Variants in NGEF observed in about 807,000 individuals in gnomAD.
The protein encoded by NGEF is ephexin-1.
In NGEF, 31 loss-of-function variants were observed where a neutral mutation model predicts 80.9. The ratio of observed to expected loss-of-function variants is 0.38; its 90% CI spans 0.29 to 0.52. The LOEUF is 0.52. Among genes scored for constraint, NGEF ranks in the 20% least tolerant of loss-of-function variants. The pLI, the probability that NGEF is intolerant of heterozygous loss-of-function variation, is 0.84. For synonymous variants in NGEF, 371 were observed against 370.2 expected (o/e 1.00, Z -0.03); for missense variants, 709 against 926.2 (o/e 0.77, Z 3.04).
At chr2:232,937,169 T>C (rs1208652069) in intron 3 of NGEF, among the ~76,000 whole-genome samples, 1 of 152,144 alleles carries the variant, frequency 6.6e-6, no homozygotes, top group East Asian at 1.9e-4. Context: ...GGTTTCACCA[T>C]GTTGGCCAGG....
At chr2:232,951,793 C>A (rs760259576) in intron 3 of NGEF, among the ~76,000 whole-genome samples, 14 of 152,156 alleles carry the variant, frequency 9.2e-5, no homozygotes, top group African/African-American at 2.9e-4. Flanking sequence ...GTAATTTCTC[C>A]CATGGGTTCT....
At chr2:232,886,376 TGTG>T (rs1464243274) in intron 9 of NGEF, among the ~76,000 whole-genome samples, 1 of 151,410 alleles carries the variant, frequency 6.6e-6, no homozygotes, top group Non-Finnish European at 1.5e-5. Context: ...CGGTGTGTAT[TGTG>T]TGTGATATGT....
intron 5 of NGEF, among the ~76,000 whole-genome samples, chr2:232,895,828 GAGAA>G (rs531766527): frequency 5.3e-5 from 8 of 152,354 alleles, no homozygotes; most frequent in African/African-American, 1.9e-4. Context: ...TTTTGGAAGA[GAGAA>G]AGAAATCCAT....
chr2:232,942,485 C>T (rs1405247793), intron 3 of NGEF, among the ~76,000 whole-genome samples: 1 of 152,200 alleles, frequency 6.6e-6, no homozygotes, highest in Non-Finnish European at 1.5e-5. Flanking sequence ...ACAGGGACAT[C>T]TTCCAGACCC....
chr2:232,903,686 G>T (rs547280437), intron 5 of NGEF, among the ~76,000 whole-genome samples: 10 of 152,218 alleles, frequency 6.6e-5, no homozygotes, highest in African/African-American at 2.2e-4. Flanking sequence ...TAATGGCCAC[G>T]TCCACCTCAA....
intron 3 of NGEF, among the ~76,000 whole-genome samples, chr2:232,938,947 G>A (rs956902904): frequency 3.2e-4 from 49 of 151,862 alleles, no homozygotes; most frequent in African/African-American, 1.0e-3. Flanking sequence ...TTGGGAGGCC[G>A]AGGCAGGTGG....
chr2:232,993,026 T>C (rs976616040), intron 1 of NGEF, among the ~76,000 whole-genome samples: 1 of 139,250 alleles, frequency 7.2e-6, no homozygotes, highest in Non-Finnish European at 1.5e-5. Context: ...CACACGCACA[T>C]AAATATATAA....
At chr2:232,881,368 G>C in intron 13 of NGEF, 118 bp from the exon 14 acceptor site, 1 of 721,164 alleles carries the variant, frequency 1.4e-6, no homozygotes, top group Non-Finnish European at 2.4e-6. Context: ...AACTGGAGAA[G>C]GGCTCGTCTG....
intron 3 of NGEF, among the ~76,000 whole-genome samples, chr2:232,933,221 C>G (rs1405978197): frequency 1.3e-5 from 2 of 152,128 alleles, no homozygotes; most frequent in African/African-American, 4.8e-5. Context: ...CTTCCAATAT[C>G]ATCACTTTGT....
chr2:232,883,277 G>A, intron 12 of NGEF, 34 bp downstream of exon 12: 1 of 1,559,140 alleles, frequency 6.4e-7, no homozygotes, highest in Non-Finnish European at 8.7e-7. Flanking sequence ...AGGTGCCACG[G>A]GTAGCACTGG....
At chr2:232,931,025 A>G (rs1156673513) in intron 3 of NGEF, among the ~76,000 whole-genome samples, 1 of 152,222 alleles carries the variant, frequency 6.6e-6, no homozygotes, top group Non-Finnish European at 1.5e-5. Flanking sequence ...AACTAGAAAA[A>G]TTCTATGTTT....
intron 3 of NGEF, among the ~76,000 whole-genome samples, chr2:232,929,711 C>T (rs1360099846): frequency 6.6e-6 from 1 of 152,220 alleles, no homozygotes; most frequent in African/African-American, 2.4e-5. Context: ...CACTGGCCAT[C>T]TCCATCTGGC....
At chr2:233,003,511 C>T (rs777153259) in intron 1 of NGEF, among the ~76,000 whole-genome samples, 11 of 152,202 alleles carry the variant, frequency 7.2e-5, no homozygotes, top group Non-Finnish European at 1.3e-4. Context: ...TGCTAATATC[C>T]TCTAAGGCTC....
At chr2:232,993,155 A>AATAAATATATATATTTATT (rs1694692701) in intron 1 of NGEF, among the ~76,000 whole-genome samples, 9 of 32,368 alleles carry the variant, frequency 2.8e-4, no homozygotes, top group African/African-American at 6.8e-4. Flanking sequence ...ATATGGGCAA[A>AATAAATATATATATTTATT]TATATATATA....
intron 1 of NGEF, among the ~76,000 whole-genome samples, chr2:232,976,338 C>T (rs756930760): frequency 6.6e-6 from 1 of 152,098 alleles, no homozygotes; most frequent in Non-Finnish European, 1.5e-5. Context: ...GTTTCAGATG[C>T]CTCCTTTCCC....
At chr2:232,949,178 C>G (rs1364021476) in intron 3 of NGEF, among the ~76,000 whole-genome samples, 1 of 152,192 alleles carries the variant, frequency 6.6e-6, no homozygotes, top group Non-Finnish European at 1.5e-5. Context: ...GGAGCCAGGA[C>G]CTGCCTGAAT....
At chr2:232,955,301 G>C (rs571003682) in intron 3 of NGEF, among the ~76,000 whole-genome samples, 32 of 152,260 alleles carry the variant, frequency 2.1e-4, no homozygotes, top group African/African-American at 7.0e-4. Flanking sequence ...ACCAAGACTA[G>C]CTCCTATATA....
rs1349988015 is a variant in NGEF, at chr2:232,883,368, C to T, written c.1700G>A (p.Arg567Gln). 1.2e-5 allele frequency: 20 copies of T among 1,613,106 alleles called. No individual in the cohort carries two copies. The highest frequency in any genetic ancestry group is 4.5e-5 in the East Asian group (2 of 44,834). The change falls in exon 12 of 15, where the codon CGG (arginine) becomes CAG (glutamine). Residue 567 changes from arginine (R) to glutamine (Q), a missense_variant. Around this residue, in one of 2 missense-constraint regions of NGEF, gnomAD observed 426 missense variants for 622.9 expected, o/e 0.68. Transcript: ENST00000264051. Reference sequence around the variant, plus strand: ...CCGGTCATCTGCGTTCTCCAGCAGCCGCAGGATGAACACGTTGGCCAGCGT... The same window carrying T: ...CCGGTCATCTGCGTTCTCCAGCAGCTGCAGGATGAACACGTTGGCCAGCGT... ...GQTLANVFILRLLENADDREA... is the reference protein window; with the variant it reads ...GQTLANVFILQLLENADDREA...
intron 1 of NGEF, among the ~76,000 whole-genome samples, chr2:232,985,764 A>G (rs1694520262): frequency 6.6e-6 from 1 of 151,086 alleles, no homozygotes; most frequent in Non-Finnish European, 1.5e-5. Flanking sequence ...CAAAACAAAA[A>G]CAAAAACAAA....
Sources: gnomAD v4.1 joint callset for allele counts (sites outside exome capture counted in the v4.1 genomes callset) on GRCh38, gnomAD v4.1.1 for gene constraint, gnomAD v4.1.1 regional missense constraint, MANE v1.5 for transcripts, NCBI Gene and HGNC (gene_info 2026-07-23, HGNC 2026-07-21) for gene names.